The following NEXN variants were observed in gnomAD, a reference collection of about 807,000 sequenced individuals.
NEXN encodes the protein nexilin.
Under a neutral mutation model 92.6 loss-of-function variants are expected in NEXN, and 65 were observed. The observed-to-expected ratio is 0.70, with a 90% CI of 0.57 to 0.86. The LOEUF (loss-of-function observed/expected upper bound fraction) is 0.86, where lower values mean the gene tolerates loss of function less well. Ranked by LOEUF, NEXN falls within the 40% of genes least tolerant of loss-of-function variation. The probability of loss-of-function intolerance (pLI) is 0.00; values close to 1 mark genes in which losing one functional copy is unlikely to be tolerated. For missense variants in NEXN, 778 were observed against 771.1 expected, an observed-to-expected ratio of 1.01 and a Z score of -0.11; for synonymous variants, 254 against 242.5, an observed-to-expected ratio of 1.05 and a Z score of -0.44.
chr1:77,892,090 A>T (rs540825273), intron 1 of NEXN, among the ~76,000 whole-genome samples: 40 of 152,176 alleles, frequency 2.6e-4, no homozygotes, highest in Non-Finnish European at 4.6e-4. Context: ...GTCAAAAAAA[A>T]AAAAGACACT....
At position 77,920,828 on chromosome 1, in the gene NEXN, G is replaced by C. The variant is rs1649366127; in HGVS notation, c.447+2555G>C. 4.6e-5 allele frequency among the ~76,000 whole-genome samples: 7 copies of C among 152,142 alleles called. No homozygotes were observed. The South Asian group carries it at 1.5e-3, about 32-fold the overall frequency. ...AGAGAAGGAGATGTTGAAAAGAAAA[G>C]GGAGAGAAGGAAGTTGATTTGGGAA... On this transcript the variant is annotated intron_variant, in intron 5 of 12. Coordinates refer to ENST00000334785, the MANE Select transcript of NEXN (RefSeq NM_144573.4).
At chr1:77,891,764 A>AG (rs1239628891) in intron 1 of NEXN, among the ~76,000 whole-genome samples, 1 of 151,808 alleles carries the variant, frequency 6.6e-6, no homozygotes, top group Non-Finnish European at 1.5e-5. Context: ...AAAAAAAAAA[A>AG]AAAAAATCAA....
chr1:77,926,398 CTA>C lies in NEXN; in HGVS notation c.490-14_490-13del. On this transcript the variant is annotated splice_polypyrimidine_tract_variant and intron_variant, in intron 6 of 12. Coordinates refer to ENST00000334785, the MANE Select transcript of NEXN (RefSeq NM_144573.4). ...GATTAAGAAGAAATAGGCTAATTAT[CTA>C]TTTTATAAAATAGGAAGGAGATGAT... The C allele has an allele frequency of 6.4e-7, 1 of 1,555,122 alleles. No individual in the cohort carries two copies. Among genetic ancestry groups the C allele is most frequent in the Non-Finnish European group, 8.8e-7 (1 of 1,132,980 alleles).
intron 9 of NEXN, chr1:77,931,905 G>A (rs1282270422): frequency 6.6e-6 from 1 of 152,110 alleles, no homozygotes; most frequent in Non-Finnish European, 1.5e-5. Context: ...AGGCCAGAGG[G>A]TTATGTTATA....
At chr1:77,889,277 G>C (rs953199957) in intron 1 of NEXN, 1 of 151,702 alleles carries the variant, frequency 6.6e-6, no homozygotes, top group Non-Finnish European at 1.5e-5. Flanking sequence ...CTCTGTGGAA[G>C]ATGGGGAGAA....
chr1:77,917,507 A>T, intron 2 of NEXN, 59 bp from the exon 3 acceptor site: 1 of 1,203,994 alleles, frequency 8.3e-7, no homozygotes, highest in Non-Finnish European at 1.2e-6. Context: ...ATCTATCTTT[A>T]CCTAATTTCT....
At chr1:77,931,309 A>C (rs563329941) in intron 9 of NEXN, among the ~76,000 whole-genome samples, 1 of 147,498 alleles carries the variant, frequency 6.8e-6, no homozygotes, top group African/African-American at 2.5e-5. Flanking sequence ...AGCTACTCAG[A>C]GGCTGAGGCA....
chr1:77,899,516 G>A (rs1371397876), intron 1 of NEXN, among the ~76,000 whole-genome samples: 5 of 152,226 alleles, frequency 3.3e-5, no homozygotes, highest in South Asian at 2.1e-4. Flanking sequence ...TGCGGGATGC[G>A]GGGAGAGGGG....
chr1:77,928,528 T>G (rs1571140566), intron 8 of NEXN, among the ~76,000 whole-genome samples: 1 of 151,960 alleles, frequency 6.6e-6, no homozygotes, highest in African/African-American at 2.4e-5. Context: ...AATAGTATTG[T>G]TAAATAAATA....
chr1:77,902,212 T>C (rs996548302), intron 1 of NEXN, among the ~76,000 whole-genome samples: 4 of 152,224 alleles, frequency 2.6e-5, no homozygotes, highest in African/African-American at 9.6e-5. Flanking sequence ...CATATGAAAA[T>C]CACCTAGTTT....
At chr1:77,926,632 T>C (rs1377830567) in intron 7 of NEXN, 21 bp downstream of exon 7, 1 of 1,612,084 alleles carries the variant, frequency 6.2e-7, no homozygotes, top group Admixed American at 1.7e-5. Flanking sequence ...GTTTGTTTGT[T>C]TTCTAAGAAA....
intron 1 of NEXN, among the ~76,000 whole-genome samples, chr1:77,899,509 G>A (rs879412410): frequency 8.5e-5 from 13 of 152,126 alleles, no homozygotes; most frequent in Non-Finnish European, 1.8e-4. Flanking sequence ...GGACGGTTGC[G>A]GGATGCGGGG....
intron 1 of NEXN, among the ~76,000 whole-genome samples, chr1:77,904,315 C>A (rs1026230855): frequency 8.5e-5 from 13 of 152,080 alleles, no homozygotes; most frequent in Admixed American, 2.0e-4. Flanking sequence ...TTTTAAAAAA[C>A]CACCTTATTA....
chr1:77,922,421 G>A lies in NEXN; in HGVS notation c.448-2767G>A, dbSNP rs1263372828. 3.3e-5 allele frequency among the ~76,000 whole-genome samples: 5 copies of A among 151,898 alleles called. No individual in the cohort carries two copies. In the South Asian group the frequency reaches 6.2e-4, roughly 19 times the overall value. On this transcript the variant is annotated intron_variant, in intron 5 of 12. Coordinates refer to ENST00000334785, the MANE Select transcript of NEXN (RefSeq NM_144573.4). ...TAGGATTACAGGCGTGAGCCACCGC[G>A]CCTGGCCTAAAAAGAGAAGTCTTTT...
chr1:77,942,077 A>G lies in NEXN; in HGVS notation c.1528A>G (p.Lys510Glu), dbSNP rs727504758. The change falls in exon 12 of 13, where the codon AAA (lysine) becomes GAA (glutamate). Residue 510 changes from lysine to glutamate, a missense_variant. This residue lies in a region of NEXN where 532 missense variants were observed against 476.7 expected (regional missense o/e 1.12). Transcript: ENST00000334785. ...AAAAAGCGAGGCTCCATTTACTCACAAAGTGAATATGAAAGCTAGATTTGA... is the reference window on the plus strand; with the variant it reads ...AAAAAGCGAGGCTCCATTTACTCACGAAGTGAATATGAAAGCTAGATTTGA... The part of the protein sequence containing the change: ...ARKSEAPFTH[K>E]VNMKARFEQM... The G allele has an allele frequency of 3.3e-5, 53 of 1,613,716 alleles. No homozygotes were observed. Among genetic ancestry groups the G allele is most frequent in the Non-Finnish European group, 4.3e-5 (51 of 1,179,706 alleles).
chr1:77,909,785 G>GA (rs947475072), intron 1 of NEXN, among the ~76,000 whole-genome samples: 3 of 152,032 alleles, frequency 2.0e-5, no homozygotes, highest in African/African-American at 4.8e-5. Flanking sequence ...AATATTTAGG[G>GA]AAAAAATAAT....
intron 5 of NEXN, 50 bp from the exon 6 acceptor site, chr1:77,925,138 A>G (rs1474769434): frequency 7.7e-7 from 1 of 1,296,168 alleles, no homozygotes; most frequent in African/African-American, 1.5e-5. Context: ...TTTAAAAGCA[A>G]AAAGTAGAAA....
chr1:77,921,814 G>A (rs1239582467), intron 5 of NEXN, among the ~76,000 whole-genome samples: 3 of 152,096 alleles, frequency 2.0e-5, no homozygotes, highest in East Asian at 1.9e-4. Context: ...GGGAGGCTGC[G>A]GTGGGAGGAT....
intron 1 of NEXN, among the ~76,000 whole-genome samples, chr1:77,910,760 A>AC (rs1553235522): frequency 1.1e-4 from 13 of 122,254 alleles, no homozygotes; most frequent in Admixed American, 9.9e-4. Flanking sequence ...AAAAAAAAAA[A>AC]AAAAAAAAAA....
Sources: allele counts gnomAD v4.1 joint callset (sites outside exome capture counted in the v4.1 genomes callset), GRCh38; gene constraint gnomAD v4.1.1; regional missense constraint gnomAD v4.1.1; transcripts MANE v1.5; gene names NCBI Gene and HGNC (gene_info 2026-07-23, HGNC 2026-07-21).